The following DIS3L2 variants were observed in gnomAD, a reference collection of about 807,000 sequenced individuals.
The protein encoded by DIS3L2 is DIS3-like exonuclease 2.
In DIS3L2, 34 loss-of-function variants were observed where a neutral mutation model predicts 97.5. The observed-to-expected ratio is 0.35, with a 90% CI of 0.27 to 0.46. The LOEUF is 0.46. Among genes scored for constraint, DIS3L2 ranks in the 20% least tolerant of loss-of-function variants. DIS3L2 has a pLI of 1.00. For synonymous variants in DIS3L2, 435 were observed against 445.2 expected (o/e 0.98, Z 0.29); for missense variants, 1,038 against 1,146.0 (o/e 0.91, Z 1.36).
intron 6 of DIS3L2, among the ~76,000 whole-genome samples, chr2:232,110,868 C>A (rs1006318421): frequency 6.6e-6 from 1 of 151,798 alleles, no homozygotes; most frequent in African/African-American, 2.4e-5. Flanking sequence ...CACATGTACC[C>A]TTGAACTTAA....
intron 11 of DIS3L2, among the ~76,000 whole-genome samples, chr2:232,246,842 A>G (rs573383912): frequency 6.6e-6 from 1 of 152,418 alleles, no homozygotes; most frequent in East Asian, 1.9e-4. Flanking sequence ...TTCATATTTA[A>G]ATGTGTAACA....
intron 5 of DIS3L2, among the ~76,000 whole-genome samples, chr2:232,049,549 A>G (rs1194332436): frequency 6.6e-6 from 1 of 152,182 alleles, no homozygotes; most frequent in Non-Finnish European, 1.5e-5. Context: ...TGACACAGCA[A>G]GAAAGCCCTC....
intron 1 of DIS3L2, among the ~76,000 whole-genome samples, chr2:231,976,680 C>T (rs906489797): frequency 4.7e-5 from 7 of 150,390 alleles, no homozygotes; most frequent in Non-Finnish European, 1.0e-4. Flanking sequence ...ACCTACTGAA[C>T]ATCATAGCTT....
chr2:232,044,722 A>G (rs1265291044), intron 5 of DIS3L2, among the ~76,000 whole-genome samples: 4 of 152,186 alleles, frequency 2.6e-5, no homozygotes, highest in African/African-American at 9.7e-5. Context: ...CTCTGAGGAT[A>G]GAGCCTGAGG....
At chr2:232,329,785 T>TCCCCGGGGGGGGCCCCCC in intron 14 of DIS3L2, 28 bp from the exon 15 acceptor site, 82 of 966,984 alleles carry the variant, frequency 8.5e-5, no homozygotes, top group East Asian at 1.6e-4. Context: ...ACCCCAGCGG[T>TCCCCGGGGGGGGCCCCCC]CCCTCCCATC....
intron 1 of DIS3L2, among the ~76,000 whole-genome samples, chr2:231,990,182 T>G (rs963218511): frequency 6.6e-6 from 1 of 152,148 alleles, no homozygotes; most frequent in Admixed American, 6.5e-5. Flanking sequence ...GTTTTGATTT[T>G]TTTTTTTTTA....
intron 13 of DIS3L2, among the ~76,000 whole-genome samples, chr2:232,290,219 G>A (rs1356378627): frequency 1.3e-5 from 2 of 152,238 alleles, no homozygotes; most frequent in Non-Finnish European, 2.9e-5. Flanking sequence ...TCTCCAGCTG[G>A]CTGCATGTGA....
intron 14 of DIS3L2, 28 bp from the exon 15 acceptor site, chr2:232,329,785 T>TACCCGGGGG: frequency 4.1e-6 from 4 of 967,136 alleles, no homozygotes; most frequent in Non-Finnish European, 4.4e-6. Context: ...ACCCCAGCGG[T>TACCCGGGGG]CCCTCCCATC....
rs1223753074 is a variant in DIS3L2 at position 232,336,910 on chromosome 2, C to T, written c.*280C>T. The T allele has an allele frequency of 4.8e-6, 6 of 1,261,932 alleles. No homozygotes were observed. In the African/African-American group the frequency reaches 6.2e-5, roughly 13 times the overall value. The allele number at this position is 1,261,932 out of a possible 1,614,324, so 78.2% of individuals were successfully genotyped here. A position where few individuals can be genotyped will look rare whatever the true frequency, so the allele number is the denominator to read the frequency against. On this transcript the variant is annotated 3_prime_UTR_variant, in exon 21 of 21. Transcript: ENST00000325385. ...CTTTTTTCTGGGCCCTACTGCCCTC[C>T]TCTGCCCAGGAAATGGGGGGGTTTC...
chr2:232,074,894 T>C (rs906890347), intron 5 of DIS3L2, among the ~76,000 whole-genome samples: 3 of 152,026 alleles, frequency 2.0e-5, no homozygotes, highest in African/African-American at 7.3e-5. Flanking sequence ...AGGAACCGTA[T>C]AGTGAAAGAA....
intron 14 of DIS3L2, 28 bp from the exon 15 acceptor site, chr2:232,329,785 T>TACCCGGGGGGGGCCC: frequency 3.1e-6 from 3 of 967,144 alleles, no homozygotes; most frequent in Non-Finnish European, 4.4e-6. Flanking sequence ...ACCCCAGCGG[T>TACCCGGGGGGGGCCC]CCCTCCCATC....
intron 8 of DIS3L2, among the ~76,000 whole-genome samples, chr2:232,149,185 G>A (rs182862946): frequency 1.4e-5 from 2 of 144,184 alleles, no homozygotes; most frequent in Non-Finnish European, 3.0e-5. Context: ...TCATTCCAGC[G>A]CTTAAAAGTT....
chr2:232,161,104 G>A (rs2106375133), intron 8 of DIS3L2, among the ~76,000 whole-genome samples: 1 of 152,226 alleles, frequency 6.6e-6, no homozygotes, highest in African/African-American at 2.4e-5. Context: ...TTTTAGTGGA[G>A]ACGGGGTTTC....
chr2:231,991,897 C>G (rs1693593366), intron 1 of DIS3L2, among the ~76,000 whole-genome samples: 1 of 152,126 alleles, frequency 6.6e-6, no homozygotes, highest in African/African-American at 2.4e-5. Flanking sequence ...CTTCCAGGAA[C>G]TGGGGATACA....
chr2:232,312,905 A>G (rs1253997205), intron 14 of DIS3L2, among the ~76,000 whole-genome samples: 1 of 152,104 alleles, frequency 6.6e-6, no homozygotes, highest in Non-Finnish European at 1.5e-5. Context: ...AACATGGTTT[A>G]TTTTTGTTGA....
In DIS3L2 at chr2:232,281,827, C is replaced by G. The variant is rs13411892; in HGVS notation, c.1660-18213C>G. On this transcript the variant is annotated intron_variant, in intron 13 of 20. Transcript: ENST00000325385. This position sits in a 1 kb window ranked among gnomAD's most constrained non-coding sequence, Gnocchi z 4.1. ...CTTGCCAGGTGGCTGGACCGGAAGT[C>G]TGCTGCTCCTCTTCTACCTTGCCAC... Among the ~76,000 whole-genome samples, 1 of 152,176 alleles carries G rather than the reference C, an allele frequency of 6.6e-6. No homozygotes were observed. The highest frequency in any genetic ancestry group is 6.5e-5 in the Admixed American group (1 of 15,280).
rs560995815 is a variant in DIS3L2, at chr2:232,004,394, T to C, written c.-93-10441T>C. On this transcript the variant is annotated intron_variant, in intron 1 of 20. Transcript: ENST00000325385. ...AATTACCTTTATGTTTGACCTTTTGTTGTTGTCCTGTAAGTCCATAATACT... is the reference window on the plus strand; with the variant it reads ...AATTACCTTTATGTTTGACCTTTTGCTGTTGTCCTGTAAGTCCATAATACT... 7.2e-5 allele frequency among the ~76,000 whole-genome samples: 11 copies of C among 152,208 alleles called. No homozygotes were observed. In the South Asian group the frequency reaches 2.3e-3, roughly 32 times the overall value.
intron 12 of DIS3L2, among the ~76,000 whole-genome samples, chr2:232,255,955 G>A (rs1046623864): frequency 3.3e-5 from 5 of 152,044 alleles, no homozygotes; most frequent in Admixed American, 1.3e-4. Flanking sequence ...CTTAACTACC[G>A]GCACTAATAC....
chr2:232,176,709 C>T (rs997243715), intron 9 of DIS3L2, among the ~76,000 whole-genome samples: 3 of 151,646 alleles, frequency 2.0e-5, no homozygotes, highest in African/African-American at 7.3e-5. Context: ...TTACCTCAGC[C>T]TACCAAGTAC....
Sources: allele counts gnomAD v4.1 joint callset (sites outside exome capture counted in the v4.1 genomes callset), GRCh38; gene constraint gnomAD v4.1.1; non-coding constraint Gnocchi (gnomAD v3.1); transcripts MANE v1.5; gene names NCBI Gene and HGNC (gene_info 2026-07-23, HGNC 2026-07-21).